The following G3BP2 variants were observed in gnomAD, a reference collection of about 807,000 sequenced individuals.
G3BP2 encodes ras GTPase-activating protein-binding protein 2.
A neutral mutation model predicts 56.7 loss-of-function variants in G3BP2; 11 were observed. The ratio of observed to expected loss-of-function variants is 0.19; its 90% CI spans 0.12 to 0.32. The LOEUF (loss-of-function observed/expected upper bound fraction) is 0.32. Among genes scored for constraint, G3BP2 ranks in the 10% least tolerant of loss-of-function variants. The pLI is 1.00. For synonymous variants in G3BP2, 165 were observed against 191.6 expected (o/e 0.86, Z 1.15); for missense variants, 340 against 610.9 (o/e 0.56, Z 4.67).
Position 75,713,600 on chromosome 4 carries a change from A to G in G3BP2, c.-25+7277T>C, listed in dbSNP as rs543432813. ...AGTTCAAGACCAGCCTGGGCAACAC[A>G]GCGAGACTCTCAACAGAAATCAAAA... is the stretch of plus-strand genomic sequence containing the variant. On this transcript the variant is annotated intron_variant, in intron 3 of 3. Coordinates refer to the G3BP2 transcript ENST00000499709. Among the ~76,000 whole-genome samples the G allele has an allele frequency of 1.1e-3, 175 of 152,272 alleles. 4 individuals are homozygous for G. The South Asian group carries it at 0.024, about 21-fold the overall frequency.
At chr4:75,675,282 A>G (rs1234985566), upstream of G3BP2, among the ~76,000 whole-genome samples, 1 of 152,188 alleles carries the variant, frequency 6.6e-6, no homozygotes, top group Non-Finnish European at 1.5e-5. Flanking sequence ...GCTATTATAA[A>G]TATTCTTCAC....
chr4:75,716,150 G>A (rs967575794), intron 3 of G3BP2, among the ~76,000 whole-genome samples: 7 of 152,048 alleles, frequency 4.6e-5, no homozygotes, highest in Non-Finnish European at 1.0e-4. Flanking sequence ...CAGTGGGAAG[G>A]GCAAGTTGGA....
intron 3 of G3BP2, among the ~76,000 whole-genome samples, chr4:75,688,251 C>G (rs2149077362): frequency 6.6e-6 from 1 of 151,962 alleles, no homozygotes; most frequent in East Asian, 1.9e-4. Context: ...CCATGTTAAC[C>G]TGGCTGGTCT....
At position 75,648,720 on chromosome 4, in the gene G3BP2, C is replaced by T; in HGVS notation, c.847G>A (p.Glu283Lys). ...VSQPRVEAKP[E>K]VQSQPPRVRE... ...ACACGAGGTGGCTGAGATTGAACTT[C>T]TGGTTTAGCTTCGACTCTTGGCTAA... The change falls in exon 9 of 12, where the codon GAA becomes AAA. Residue 283 changes from glutamate (E) to lysine (K), a missense_variant. By Grantham distance (56) the Glu-to-Lys change is moderately conservative. This residue lies in a region of G3BP2 where 224 missense variants were observed against 332.5 expected (regional missense o/e 0.67). Coordinates refer to ENST00000359707, the MANE Select transcript of G3BP2 (RefSeq NM_203505.3). 1 of 1,605,494 alleles carries T rather than the reference C, an allele frequency of 6.2e-7. No individual in the cohort carries two copies. The highest frequency in any genetic ancestry group is 8.5e-7 in the Non-Finnish European group (1 of 1,173,074).
intron 3 of G3BP2, among the ~76,000 whole-genome samples, chr4:75,717,569 T>C (rs1719977719): frequency 6.6e-6 from 1 of 152,174 alleles, no homozygotes; most frequent in African/African-American, 2.4e-5. Context: ...TCTAAAATCA[T>C]AGCTTGCTGG....
chr4:75,678,959 C>T (rs990128638), intron 3 of G3BP2, among the ~76,000 whole-genome samples: 17 of 152,180 alleles, frequency 1.1e-4, no homozygotes, highest in Non-Finnish European at 4.4e-5. Flanking sequence ...ATTCCTTTTT[C>T]GCAGACTGCC....
intron 11 of G3BP2, 80 bp downstream of exon 11, chr4:75,646,258 T>C: frequency 1.4e-6 from 1 of 701,596 alleles, no homozygotes; most frequent in Non-Finnish European, 2.5e-6. Context: ...TAAAAGATTT[T>C]CTATGGTTTT....
At chr4:75,677,352 C>G (rs750098200), upstream of G3BP2, among the ~76,000 whole-genome samples, 10 of 152,030 alleles carry the variant, frequency 6.6e-5, no homozygotes, top group Non-Finnish European at 1.0e-4. Context: ...GTGGGTGGAT[C>G]ACGAGGTCAG....
At chr4:75,650,387 T>C (rs1445912742) in intron 8 of G3BP2, among the ~76,000 whole-genome samples, 1 of 135,730 alleles carries the variant, frequency 7.4e-6, no homozygotes, top group African/African-American at 2.9e-5. Flanking sequence ...GAGCAGATCA[T>C]TGTACTCCAG....
chr4:75,645,176 T>G lies in G3BP2; in HGVS notation c.*254A>C. The stretch of plus-strand genomic sequence containing the variant: ...ATGTCCTTTTAAGTTCACTTTGTCG[T>G]AGATAGTTTAAGATATGGTCATTTC... On this transcript the variant is annotated 3_prime_UTR_variant, in exon 12 of 12. Transcript: ENST00000359707. 2.0e-6 allele frequency: 1 copy of G among 489,478 alleles called. No homozygotes were observed. Among genetic ancestry groups the G allele is most frequent in the Non-Finnish European group, 3.6e-6 (1 of 278,382 alleles). The allele number at this position is 489,478 out of a possible 1,614,324, so 30.3% of individuals were successfully genotyped here.
intron 3 of G3BP2, among the ~76,000 whole-genome samples, chr4:75,718,575 C>T (rs940893535): frequency 2.6e-5 from 4 of 152,162 alleles, no homozygotes; most frequent in African/African-American, 9.7e-5. Context: ...TTCCAGATTT[C>T]CTAGGAGAAA....
chr4:75,670,018 C>CG (rs924575042), intron 1 of G3BP2, among the ~76,000 whole-genome samples: 46 of 152,182 alleles, frequency 3.0e-4, no homozygotes, highest in African/African-American at 1.1e-3. Context: ...CGCTTGAACC[C>CG]GGGGGCGGAG....
chr4:75,674,708 ATATATATATATTTTTTTTTTT>A (rs1218466854), upstream of G3BP2, among the ~76,000 whole-genome samples: 7 of 44,248 alleles, frequency 1.6e-4, no homozygotes, highest in Non-Finnish European at 3.3e-4. Context: ...ATATATATAT[ATATATATATATTTTTTTTTTT>A]TTTTTTTTTT....
intron 1 of G3BP2, among the ~76,000 whole-genome samples, chr4:75,664,137 C>T (rs1732799806): frequency 6.6e-6 from 1 of 151,784 alleles, no homozygotes; most frequent in South Asian, 2.1e-4. Context: ...CTGCCTCAGC[C>T]TCCCAAAGTG....
chr4:75,719,049 C>A (rs939770254), intron 3 of G3BP2, among the ~76,000 whole-genome samples: 4 of 152,108 alleles, frequency 2.6e-5, no homozygotes, highest in African/African-American at 7.2e-5. Flanking sequence ...TATCTTTAAA[C>A]GTTCAGTTGT....
rs1246474655 is a variant in G3BP2 at position 75,668,165 on chromosome 4, G to A, written c.-25+5043C>T. On this transcript the variant is annotated intron_variant, in intron 1 of 11. Coordinates refer to ENST00000359707, the MANE Select transcript of G3BP2 (RefSeq NM_203505.3). The stretch of plus-strand genomic sequence containing the variant: ...TATTGGTAGATAATACACACTGAGA[G>A]GGAGTGGAGCATTGGTAGACATACA... Among the ~76,000 whole-genome samples the A allele has an allele frequency of 3.3e-5, 5 of 152,302 alleles. No homozygotes were observed. The East Asian group carries it at 9.6e-4, about 29-fold the overall frequency.
intron 3 of G3BP2, among the ~76,000 whole-genome samples, chr4:75,719,886 G>C (rs766728446): frequency 2.4e-4 from 37 of 152,096 alleles, no homozygotes; most frequent in Admixed American, 1.3e-3. Context: ...ACCGTGCCCG[G>C]CCTGGTCTCA....
chr4:75,642,858 C>A lies in G3BP2; in HGVS notation c.*2572G>T, dbSNP rs1236079731. 1 of 152,510 alleles carries A rather than the reference C, an allele frequency of 6.6e-6. No individual in the cohort carries two copies. Among genetic ancestry groups the A allele is most frequent in the African/African-American group, 2.4e-5 (1 of 41,428 alleles). 9.4% of individuals were successfully genotyped at this position (152,510 alleles called of 1,614,324 possible). A position where few individuals can be genotyped will look rare whatever the true frequency, so the allele number is the denominator to read the frequency against. ...AATATGGAAACTCAAAGAATACTTT[C>A]CACCTGAAACAATTAAACTAGATTC... On this transcript the variant is annotated 3_prime_UTR_variant, in exon 12 of 12. Coordinates refer to ENST00000359707, the MANE Select transcript of G3BP2 (RefSeq NM_203505.3).
intron 8 of G3BP2, 124 bp downstream of exon 8, chr4:75,653,859 A>G: frequency 1.7e-6 from 1 of 589,856 alleles, no homozygotes; most frequent in Middle Eastern, 2.9e-4. Context: ...GCACTGACAT[A>G]TAATACAAGT....
Sources: gnomAD v4.1 joint callset for allele counts (sites outside exome capture counted in the v4.1 genomes callset) on GRCh38, gnomAD v4.1.1 for gene constraint, gnomAD v4.1.1 regional missense constraint, MANE v1.5 for transcripts, NCBI Gene and HGNC (gene_info 2026-07-23, HGNC 2026-07-21) for gene names.